Variants in PHLPP2 observed in about 807,000 individuals in gnomAD.
The protein encoded by PHLPP2 is PH domain and leucine rich repeat protein phosphatase 2.
In PHLPP2, 66 loss-of-function variants were observed where a neutral mutation model predicts 124.9. The ratio of observed to expected loss-of-function variants is 0.53; its 90% confidence interval spans 0.43 to 0.65. The LOEUF (loss-of-function observed/expected upper bound fraction) is 0.65. Ranked by LOEUF, PHLPP2 falls within the 30% of genes least tolerant of loss-of-function variation. The pLI is 0.00. For missense variants in PHLPP2, 1,685 were observed against 1,600.4 expected, an observed-to-expected ratio of 1.05 and a Z score of -0.90; for synonymous variants, 681 against 624.7, an observed-to-expected ratio of 1.09 and a Z score of -1.34.
chr16:71,669,908 T>C (rs1305998080), intron 10 of PHLPP2, among the ~76,000 whole-genome samples: 1 of 152,190 alleles, frequency 6.6e-6, no homozygotes, highest in African/African-American at 2.4e-5. Context: ...TTTTTTCAGA[T>C]GTGACAGCTT....
Position 71,649,873 on chromosome 16 carries a change from C to T in PHLPP2, c.2989G>A (p.Val997Ile). 1.2e-6 allele frequency: 2 copies of T among 1,614,254 alleles called. No individual in the cohort carries two copies. The highest frequency in any genetic ancestry group is 1.7e-6 in the Non-Finnish European group (2 of 1,180,040). Reference sequence around the variant, plus strand: ...TCTTGTACGTGACGTACAGCATTGACAGCTTCTGTGTAGGACAAGTGTTCC... The same window carrying T: ...TCTTGTACGTGACGTACAGCATTGATAGCTTCTGTGTAGGACAAGTGTTCC... ...LWEHLSYTEAVNAVRHVQDPL... is the reference protein window; with the variant it reads ...LWEHLSYTEAINAVRHVQDPL... The change falls in exon 19 of 19, where the codon GTC becomes ATC. Residue 997 changes from valine to isoleucine, a missense_variant. By Grantham distance (29) the Val-to-Ile change is conservative. Transcript: ENST00000568954.
intron 6 of PHLPP2, among the ~76,000 whole-genome samples, chr16:71,680,983 T>A (rs1166850046): frequency 6.6e-6 from 1 of 152,176 alleles, no homozygotes; most frequent in Non-Finnish European, 1.5e-5. Flanking sequence ...AATTATCAGA[T>A]GAGATTAAAA....
intron 4 of PHLPP2, among the ~76,000 whole-genome samples, chr16:71,688,073 A>G (rs1291529947): frequency 6.6e-6 from 1 of 152,212 alleles, no homozygotes; most frequent in Non-Finnish European, 1.5e-5. Context: ...ACTCATAGTC[A>G]TCGTATGACT....
At chr16:71,711,722 G>C (rs187586912) in intron 2 of PHLPP2, among the ~76,000 whole-genome samples, 4 of 151,966 alleles carry the variant, frequency 2.6e-5, no homozygotes, top group Admixed American at 2.0e-4. Context: ...AAATTTCTTC[G>C]GTGAACATAC....
At chr16:71,702,101 TG>T (rs2045238282) in intron 3 of PHLPP2, among the ~76,000 whole-genome samples, 1 of 152,172 alleles carries the variant, frequency 6.6e-6, no homozygotes, top group Non-Finnish European at 1.5e-5. Flanking sequence ...TAGTGATAGA[TG>T]GGTCGTGTTC....
At chr16:71,660,659 C>G (rs972107978) in intron 13 of PHLPP2, among the ~76,000 whole-genome samples, 1 of 152,038 alleles carries the variant, frequency 6.6e-6, no homozygotes, top group Non-Finnish European at 1.5e-5. Flanking sequence ...CCACCTCGGC[C>G]TCCCAAAGTG....
intron 1 of PHLPP2, among the ~76,000 whole-genome samples, chr16:71,715,958 C>T (rs1011312967): frequency 9.3e-5 from 14 of 150,476 alleles, no homozygotes; most frequent in African/African-American, 2.9e-4. Context: ...ATTGTGCCAC[C>T]GCACTCCAGT....
intron 2 of PHLPP2, 23 bp from the exon 3 acceptor site, chr16:71,702,754 T>C (rs767036785): frequency 6.6e-7 from 1 of 1,512,592 alleles, no homozygotes; most frequent in Non-Finnish European, 9.0e-7. Flanking sequence ...TTCAAAAAAA[T>C]ATATATATTT....
At chr16:71,710,116 T>C (rs895106795) in intron 2 of PHLPP2, among the ~76,000 whole-genome samples, 3 of 152,192 alleles carry the variant, frequency 2.0e-5, no homozygotes, top group African/African-American at 7.2e-5. Flanking sequence ...CCCAAAGTGC[T>C]AGGATTACAG....
At chr16:71,691,120 G>T (rs2045107273) in intron 3 of PHLPP2, among the ~76,000 whole-genome samples, 1 of 152,066 alleles carries the variant, frequency 6.6e-6, no homozygotes, top group Non-Finnish European at 1.5e-5. Context: ...TATACAGTTT[G>T]AATCTTAACA....
At chr16:71,672,359 T>C in intron 9 of PHLPP2, 37 bp from the exon 10 acceptor site, 4 of 1,497,484 alleles carry the variant, frequency 2.7e-6, no homozygotes, top group Non-Finnish European at 3.7e-6. Context: ...TGACATCCTC[T>C]AAAAAAGAAA....
intron 15 of PHLPP2, among the ~76,000 whole-genome samples, chr16:71,657,962 A>G (rs746340757): frequency 6.6e-6 from 1 of 152,252 alleles, no homozygotes; most frequent in Non-Finnish European, 1.5e-5. Context: ...TAGATATTAT[A>G]TAATCTGTGC....
chr16:71,690,719 AAAT>A lies in PHLPP2; in HGVS notation c.419-13_419-11del. 1 of 1,584,316 alleles carries A rather than the reference AAAT, an allele frequency of 6.3e-7. No homozygotes were observed. The highest frequency in any genetic ancestry group is 8.7e-7 in the Non-Finnish European group (1 of 1,155,864). On this transcript the variant is annotated splice_polypyrimidine_tract_variant and intron_variant, in intron 3 of 18. Coordinates refer to ENST00000568954, the MANE Select transcript of PHLPP2 (RefSeq NM_015020.3). ...ATGTGGCATGGTTTTTCTGAAAAGG[AAAT>A]AATACTTCAGAATCCACCATTAAAG... is the stretch of plus-strand genomic sequence containing the variant.
chr16:71,661,829 T>C (rs1225570573), intron 13 of PHLPP2, among the ~76,000 whole-genome samples: 1 of 151,734 alleles, frequency 6.6e-6, no homozygotes, highest in Non-Finnish European at 1.5e-5. Context: ...TTTTGTTTTG[T>C]TTTGTTTTTT....
chr16:71,679,562 T>C (rs537860552), intron 6 of PHLPP2, 27 bp from the exon 7 acceptor site: 27 of 1,604,176 alleles, frequency 1.7e-5, no homozygotes, highest in East Asian at 1.1e-4. Context: ...AAAATGGGTA[T>C]TGCATTTCAA....
chr16:71,680,578 ACT>A (rs1386747443), intron 6 of PHLPP2, among the ~76,000 whole-genome samples: 1 of 152,100 alleles, frequency 6.6e-6, no homozygotes, highest in East Asian at 1.9e-4. Flanking sequence ...TTTATGAGAG[ACT>A]CTGGTAATTC....
chr16:71,655,293 C>T lies in PHLPP2; in HGVS notation c.2532G>A (p.Gln844=). The T allele has an allele frequency of 1.9e-6, 3 of 1,613,946 alleles. No individual in the cohort carries two copies. The highest frequency in any genetic ancestry group is 1.1e-5 in the South Asian group (1 of 91,082). ...TMADVLLEEV[Q]QSTNDTVFMA... is the part of the protein sequence containing the mutation. ...TGAAAACTGTGTCATTAGTTGACTG[C>T]TGTACCTCTTCTAAAAGCACATCTG... Residue 844 remains glutamine (Q), a synonymous_variant, in exon 17 of 19, where the codon CAG becomes CAA. Transcript: ENST00000568954.
Position 71,655,379 on chromosome 16 carries a change from A to T in PHLPP2, c.2446T>A (p.Tyr816Asn). ...DSFAEGVGAV[Y>N]GMFDGDRNEE... is the part of the protein sequence containing the mutation. ...TTTCGGTCTCCATCAAACATGCCAT[A>T]CACAGCTCCCACCCCCTCTGCAAAG... Residue 816 changes from tyrosine to asparagine, a missense_variant, in exon 17 of 19, where the codon TAT (tyrosine) becomes AAT (asparagine). Physicochemically the swap from Tyr to Asn is moderately radical, Grantham distance 143 (BLOSUM62 -2). Transcript: ENST00000568954. 1.2e-6 allele frequency: 2 copies of T among 1,614,154 alleles called. No individual in the cohort carries two copies. Among genetic ancestry groups the T allele is most frequent in the Non-Finnish European group, 8.5e-7 (1 of 1,180,006 alleles).
At chr16:71,675,269 A>G (rs977010599) in intron 9 of PHLPP2, among the ~76,000 whole-genome samples, 1 of 152,178 alleles carries the variant, frequency 6.6e-6, no homozygotes, top group African/African-American at 2.4e-5. Flanking sequence ...TGAGTATAAA[A>G]TGTTATTATT....
Sources: allele counts gnomAD v4.1 joint callset (sites outside exome capture counted in the v4.1 genomes callset), GRCh38; gene constraint gnomAD v4.1.1; transcripts MANE v1.5; gene names NCBI Gene and HGNC (gene_info 2026-07-23, HGNC 2026-07-21).